Variants in ROBO2 observed in about 807,000 individuals in gnomAD.
ROBO2 encodes roundabout guidance receptor 2.
A neutral mutation model predicts 160.8 loss-of-function variants in ROBO2; 53 were observed. The observed-to-expected ratio is 0.33, with a 90% CI of 0.26 to 0.41. ROBO2 has a LOEUF of 0.41. Among genes scored for constraint, ROBO2 ranks in the 10% least tolerant of loss-of-function variants. The pLI, the probability that ROBO2 is intolerant of heterozygous loss-of-function variation, is 1.00. For missense variants in ROBO2, 1,577 were observed against 1,722.4 expected (o/e 0.92, Z 1.49); for synonymous variants, 664 against 611.7 (o/e 1.09, Z -1.26).
chr3:76,047,440 A>G (rs976866248), intron 2 of ROBO2, among the ~76,000 whole-genome samples: 2 of 152,152 alleles, frequency 1.3e-5, no homozygotes, highest in African/African-American at 4.8e-5. Flanking sequence ...TGCACTCAAC[A>G]TGTGTGTGAC....
At chr3:77,522,733 T>C (rs769706470) in intron 5 of ROBO2, 42 bp from the exon 6 acceptor site, 1 of 1,585,896 alleles carries the variant, frequency 6.3e-7, no homozygotes, top group South Asian at 1.1e-5. Flanking sequence ...ATTATCCGTA[T>C]AGCTACTACT....
intron 2 of ROBO2, among the ~76,000 whole-genome samples, chr3:77,427,613 G>A (rs2078336093): frequency 6.6e-6 from 1 of 152,136 alleles, no homozygotes; most frequent in Admixed American, 6.5e-5. Context: ...TTCCTGGAGT[G>A]AATGGCCTTC....
At chr3:77,168,601 C>G (rs978690487) in intron 2 of ROBO2, among the ~76,000 whole-genome samples, 1 of 152,050 alleles carries the variant, frequency 6.6e-6, no homozygotes, top group African/African-American at 2.4e-5. Flanking sequence ...TTCACCTATC[C>G]TCTCATTAGA....
At chr3:76,872,985 G>A (rs559017966) in intron 2 of ROBO2, among the ~76,000 whole-genome samples, 95 of 152,124 alleles carry the variant, frequency 6.2e-4, no homozygotes, top group Admixed American at 2.4e-3. Context: ...GTGGCGTTCT[G>A]TTCAAAAAAT....
intron 2 of ROBO2, among the ~76,000 whole-genome samples, chr3:76,026,241 T>C (rs2066741038): frequency 6.6e-6 from 1 of 151,914 alleles, no homozygotes; most frequent in Admixed American, 6.6e-5. Context: ...GCTTATACAA[T>C]ATTACTTTCC....
chr3:76,330,431 T>G (rs2073395947), intron 2 of ROBO2, among the ~76,000 whole-genome samples: 1 of 152,226 alleles, frequency 6.6e-6, no homozygotes, highest in South Asian at 2.1e-4. Context: ...ATACACTATT[T>G]TTATTTTTGC....
chr3:77,453,756 C>T (rs2081342428), intron 2 of ROBO2, among the ~76,000 whole-genome samples: 1 of 152,100 alleles, frequency 6.6e-6, no homozygotes. Context: ...TACCTTATTA[C>T]TGTTATTTTC....
intron 1 of ROBO2, among the ~76,000 whole-genome samples, chr3:77,092,713 A>G (rs1323471303): frequency 2.0e-5 from 3 of 148,848 alleles, no homozygotes; most frequent in Non-Finnish European, 4.5e-5. Context: ...ATATAAAAAG[A>G]TACCAGACAT....
At position 77,224,273 on chromosome 3, in the gene ROBO2, A is replaced by G. The variant is rs551909655; in HGVS notation, c.388+125933A>G. On this transcript the variant is annotated intron_variant, in intron 2 of 25. Transcript: ENST00000461745. ...TGAATTTATTTACCATGTTGTCCCA[A>G]TCGAAAGGCATTGAACATAGTTTTT... Among the ~76,000 whole-genome samples the G allele has an allele frequency of 1.2e-4, 19 of 152,116 alleles. No homozygotes were observed. The East Asian group carries it at 3.3e-3, about 26-fold the overall frequency.
chr3:77,116,658 A>G (rs1485247682), intron 2 of ROBO2, among the ~76,000 whole-genome samples: 1 of 152,208 alleles, frequency 6.6e-6, no homozygotes, highest in Non-Finnish European at 1.5e-5. Context: ...TTTCCAATTA[A>G]GTCTGTGTTC....
At chr3:77,100,757 C>A (rs9814091) in intron 2 of ROBO2, among the ~76,000 whole-genome samples, 51,938 of 151,936 alleles carry the variant, frequency 0.34, 10,545 homozygotes, top group African/African-American at 0.55. Context: ...ATTAAATATA[C>A]AAACAATAAA....
intron 2 of ROBO2, among the ~76,000 whole-genome samples, chr3:77,030,160 T>G (rs985377585): frequency 4.1e-5 from 6 of 147,698 alleles, no homozygotes; most frequent in African/African-American, 7.9e-5. Flanking sequence ...TAGCCAGGAT[T>G]GTCTCGATCT....
chr3:77,164,500 CCCGCCCGGCCAGCCGTGCT>C (rs2150662455), intron 2 of ROBO2, among the ~76,000 whole-genome samples: 1 of 138,080 alleles, frequency 7.2e-6, no homozygotes. Context: ...GGGTCAGCCC[CCCGCCCGGCCAGCCGTGCT>C]GTCCGGGAGG....
intron 2 of ROBO2, among the ~76,000 whole-genome samples, chr3:76,325,728 C>A (rs910137118): frequency 7.6e-5 from 11 of 145,508 alleles, no homozygotes; most frequent in Non-Finnish European, 1.2e-4. Context: ...AAAAAAAAAA[C>A]AACAACCCTG....
chr3:77,466,922 A>C (rs2082823888), intron 2 of ROBO2, among the ~76,000 whole-genome samples: 1 of 152,210 alleles, frequency 6.6e-6, no homozygotes, highest in Non-Finnish European at 1.5e-5. Context: ...CAGAATACAC[A>C]ACAGTAGAGA....
Position 77,384,429 on chromosome 3 carries a change from T to TA in ROBO2, c.389-92978dup, listed in dbSNP as rs1214548344. 3.3e-5 allele frequency among the ~76,000 whole-genome samples: 5 copies of TA among 152,212 alleles called. No individual in the cohort carries two copies. The South Asian group carries it at 6.2e-4, about 19-fold the overall frequency. ...GTTTTTCTTCAATGTTATTTATCTTTAAAAAAAGTCCAGGAGTAGAAAGTA... is the reference window on the plus strand; with the variant it reads ...GTTTTTCTTCAATGTTATTTATCTTTAAAAAAAAGTCCAGGAGTAGAAAGTA... On this transcript the variant is annotated intron_variant, in intron 2 of 25. Coordinates refer to ENST00000461745, the Ensembl canonical transcript of ROBO2.
At chr3:76,410,438 T>C (rs1338028656) in intron 2 of ROBO2, among the ~76,000 whole-genome samples, 1 of 152,144 alleles carries the variant, frequency 6.6e-6, no homozygotes, top group Non-Finnish European at 1.5e-5. Context: ...ATATTTAGAA[T>C]ATTGAAATGG....
chr3:76,869,592 G>A (rs535412329), intron 2 of ROBO2, among the ~76,000 whole-genome samples: 101 of 151,776 alleles, frequency 6.7e-4, no homozygotes, highest in African/African-American at 2.3e-3. Context: ...CTCGTGATCC[G>A]CCCGCCTCGG....
Position 77,181,756 on chromosome 3 carries a change from G to A in ROBO2, c.388+83416G>A, listed in dbSNP as rs988059149. On this transcript the variant is annotated intron_variant, in intron 2 of 25. Coordinates refer to ENST00000461745, the Ensembl canonical transcript of ROBO2. ...CAGAATGTATCAATAATGTTGGATC[G>A]CATTATTTTAGTATATGTAAATTTT... Among the ~76,000 whole-genome samples the A allele has an allele frequency of 3.3e-5, 5 of 151,974 alleles. No homozygotes were observed. The East Asian group carries it at 7.7e-4, about 24-fold the overall frequency.
Sources: allele counts gnomAD v4.1 joint callset (sites outside exome capture counted in the v4.1 genomes callset), GRCh38; gene constraint gnomAD v4.1.1; transcripts MANE v1.5; gene names NCBI Gene and HGNC (gene_info 2026-07-23, HGNC 2026-07-21).